Variants in IL1RL1 observed in about 807,000 individuals in gnomAD.
The protein encoded by IL1RL1 is interleukin-1 receptor-like 1.
A neutral mutation model predicts 50.9 loss-of-function variants in IL1RL1; 32 were observed. That is an observed-to-expected ratio of 0.63 (90% confidence interval 0.47 to 0.84). The LOEUF is 0.84. IL1RL1 is among the 40% of genes least tolerant of loss of function. IL1RL1 has a pLI of 0.00. For missense variants in IL1RL1, 773 were observed against 662.9 expected, an observed-to-expected ratio of 1.17 and a Z score of -1.82; for synonymous variants, 275 against 236.0, an observed-to-expected ratio of 1.17 and a Z score of -1.51.
At chr2:102,332,309 A>G (rs1453869506) in intron 1 of IL1RL1, among the ~76,000 whole-genome samples, 1 of 152,204 alleles carries the variant, frequency 6.6e-6, no homozygotes, top group East Asian at 1.9e-4. Flanking sequence ...GAGAGGAGAC[A>G]TTGCAATTCA....
At chr2:102,323,785 G>T (rs566891707) in intron 1 of IL1RL1, among the ~76,000 whole-genome samples, 1 of 152,044 alleles carries the variant, frequency 6.6e-6, no homozygotes, top group South Asian at 2.1e-4. Flanking sequence ...GGTGAGGAGG[G>T]TACAAATATC....
intron 1 of IL1RL1, among the ~76,000 whole-genome samples, chr2:102,316,291 A>T (rs1676671745): frequency 6.6e-6 from 1 of 152,216 alleles, no homozygotes; most frequent in Non-Finnish European, 1.5e-5. Context: ...ATGCTAATTT[A>T]CCTTAAATCT....
intron 8 of IL1RL1, chr2:102,345,073 T>C: frequency 1.1e-6 from 1 of 899,458 alleles, no homozygotes; most frequent in Non-Finnish European, 1.3e-6. Flanking sequence ...GAGTGATCCT[T>C]CCTGGGTGCA....
At chr2:102,350,884 T>G (rs1475906812) in intron 10 of IL1RL1, among the ~76,000 whole-genome samples, 3 of 152,232 alleles carry the variant, frequency 2.0e-5, no homozygotes, top group Non-Finnish European at 1.5e-5. Context: ...TGCTTTCTCC[T>G]GTTGCAGTGA....
chr2:102,331,033 A>G (rs1373682520), intron 1 of IL1RL1, among the ~76,000 whole-genome samples: 1 of 152,184 alleles, frequency 6.6e-6, no homozygotes, highest in East Asian at 1.9e-4. Flanking sequence ...TGGCACTTTA[A>G]TCAAACATCA....
At chr2:102,341,209 A>G (rs1326433839) in intron 5 of IL1RL1, 16 of 1,158,084 alleles carry the variant, frequency 1.4e-5, no homozygotes, top group Middle Eastern at 5.3e-4. Context: ...AGTTTCTGCA[A>G]ATTAAAAAAG....
intron 1 of IL1RL1, chr2:102,337,027 T>C (rs1431085284): frequency 2.0e-5 from 3 of 152,346 alleles, no homozygotes; most frequent in Middle Eastern, 3.4e-3. Context: ...GCATTAGTTA[T>C]TAATCAGCCT....
rs558935842 is a variant in IL1RL1, at chr2:102,338,856, G to T, written c.81G>T (p.Leu27=). 1.2e-6 allele frequency: 2 copies of T among 1,612,902 alleles called. No individual in the cohort carries two copies. The highest frequency in any genetic ancestry group is 2.2e-5 in the South Asian group (2 of 91,050). ...TTGCAGGTAAACAATCATGGGGCCTGGAAAATGAGGCTTTAATTGTAAGAT... is the reference window on the plus strand; with the variant it reads ...TTGCAGGTAAACAATCATGGGGCCTTGAAAATGAGGCTTTAATTGTAAGAT... ...AAKFSKQSWG[L]ENEALIVRCP... The change falls in exon 3 of 11, where the codon CTG becomes CTT. Residue 27 remains leucine (L), a synonymous_variant. Transcript: ENST00000233954.
At chr2:102,351,167 C>T (rs1677918184) in intron 10 of IL1RL1, among the ~76,000 whole-genome samples, 1 of 152,092 alleles carries the variant, frequency 6.6e-6, no homozygotes, top group Admixed American at 6.6e-5. Flanking sequence ...CATTGAAAAA[C>T]ATATAAGCAA....
rs1677927413 is a variant in IL1RL1 at position 102,351,449 on chromosome 2, A to G, written c.1286-87A>G. On this transcript the variant is annotated intron_variant, in intron 10 of 10. Transcript: ENST00000233954. ...ATGTCAGAGAATCTCACACCAGATT[A>G]TAACAATAAGACTTTTAAATGTTCA... The G allele has an allele frequency of 5.8e-6, 7 of 1,211,190 alleles. No homozygotes were observed. In the Admixed American group the frequency reaches 9.4e-5, roughly 16 times the overall value. The allele number at this position is 1,211,190 out of a possible 1,614,324, so 75.0% of individuals were successfully genotyped here.
intron 1 of IL1RL1, among the ~76,000 whole-genome samples, chr2:102,312,333 G>A (rs186152087): frequency 6.6e-6 from 1 of 150,500 alleles, no homozygotes; most frequent in African/African-American, 2.4e-5. Context: ...AATTTTGCTT[G>A]TGAGAAAAGT....
At chr2:102,339,673 T>A (rs935893276) in intron 3 of IL1RL1, among the ~76,000 whole-genome samples, 2 of 152,218 alleles carry the variant, frequency 1.3e-5, no homozygotes, top group Non-Finnish European at 2.9e-5. Context: ...TCTCTGCCCT[T>A]CAGTTTCCTT....
intron 9 of IL1RL1, 125 bp from the exon 10 acceptor site, chr2:102,348,954 G>A: frequency 2.9e-6 from 2 of 684,136 alleles, no homozygotes; most frequent in Non-Finnish European, 2.6e-6. Flanking sequence ...CTTGAGTCTA[G>A]AATATTTTGG....
At chr2:102,311,960 TTATATATAATATTATATA>T (rs1676506430) in intron 1 of IL1RL1, among the ~76,000 whole-genome samples, 1 of 32,760 alleles carries the variant, frequency 3.1e-5, no homozygotes, top group Non-Finnish European at 4.9e-5. Context: ...ATAATATATA[TTATATATAATATTATATA>T]TAATATATAT....
At chr2:102,315,138 G>A (rs899238907) in intron 1 of IL1RL1, among the ~76,000 whole-genome samples, 5 of 152,056 alleles carry the variant, frequency 3.3e-5, no homozygotes, top group Admixed American at 1.3e-4. Context: ...TCTGAGGGCC[G>A]AGTCATTGAG....
chr2:102,341,406 T>C, intron 5 of IL1RL1: 2 of 959,366 alleles, frequency 2.1e-6, no homozygotes, highest in Non-Finnish European at 2.6e-6. Context: ...TTTTAAATTT[T>C]ATAAAAGCTT....
rs10168510 is a variant in IL1RL1, at chr2:102,346,665, G to T, written c.971-1280G>T. 5.5e-3 allele frequency among the ~76,000 whole-genome samples: 839 copies of T among 152,200 alleles called. 17 individuals are homozygous for T. Among genetic ancestry groups the T allele is most frequent in the African/African-American group, 0.019 (805 of 41,530 alleles). ...AATCCTGTTGAAATGATTTACTTAC[G>T]GAGTTTTCATTATTTAACCTGATGA... On this transcript the variant is annotated intron_variant, in intron 8 of 10. Coordinates refer to ENST00000233954, the MANE Select transcript of IL1RL1 (RefSeq NM_016232.5).
intron 9 of IL1RL1, 56 bp from the exon 10 acceptor site, chr2:102,349,023 C>A: frequency 1.5e-6 from 2 of 1,347,984 alleles, no homozygotes; most frequent in Non-Finnish European, 2.1e-6. Context: ...TTCAAAGAGT[C>A]CAGTGAGAAT....
intron 9 of IL1RL1, among the ~76,000 whole-genome samples, chr2:102,348,343 G>C (rs769977288): frequency 2.0e-5 from 3 of 152,148 alleles, no homozygotes; most frequent in Non-Finnish European, 4.4e-5. Context: ...TATTCCTACT[G>C]AGTTCCCAAT....
Sources: allele counts gnomAD v4.1 joint callset (sites outside exome capture counted in the v4.1 genomes callset), GRCh38; gene constraint gnomAD v4.1.1; transcripts MANE v1.5; gene names NCBI Gene and HGNC (gene_info 2026-07-23, HGNC 2026-07-21).